The following DCBLD1 variants were observed in gnomAD, a reference collection of about 807,000 sequenced individuals.
The protein encoded by DCBLD1 is discoidin, CUB and LCCL domain-containing protein 1.
Under a neutral mutation model 71.5 loss-of-function variants are expected in DCBLD1, and 57 were observed. That is an observed-to-expected ratio of 0.80 (90% confidence interval 0.64 to 0.99). DCBLD1 has a LOEUF of 0.99. DCBLD1 is among the 50% of genes least tolerant of loss of function. DCBLD1 has a pLI of 0.00. For missense variants in DCBLD1, 891 were observed against 923.5 expected, an observed-to-expected ratio of 0.96 and a Z score of 0.46; for synonymous variants, 380 against 363.8, an observed-to-expected ratio of 1.04 and a Z score of -0.51.
In DCBLD1 at chr6:117,543,698, C is replaced by G. The variant is rs535211734; in HGVS notation, c.1445+487C>G. Among the ~76,000 whole-genome samples the G allele has an allele frequency of 2.0e-5, 3 of 152,286 alleles. No homozygotes were observed. In the South Asian group the frequency reaches 6.2e-4, roughly 32 times the overall value. ...TAAGCAGTTCTTGTCATTTAGAGAC[C>G]TTTGGTAAAGACTTAACCTTTGAGT... On this transcript the variant is annotated intron_variant, in intron 12 of 14. Coordinates refer to ENST00000338728, the MANE Select transcript of DCBLD1 (RefSeq NM_001366458.2).
intron 14 of DCBLD1, among the ~76,000 whole-genome samples, chr6:117,558,745 C>A (rs1342286182): frequency 6.6e-6 from 1 of 152,136 alleles, no homozygotes; most frequent in African/African-American, 2.4e-5. Flanking sequence ...AGGAAGCTTG[C>A]CTGACTGAAC....
chr6:117,497,163 A>G (rs1777499794), intron 1 of DCBLD1, among the ~76,000 whole-genome samples: 1 of 152,178 alleles, frequency 6.6e-6, no homozygotes, highest in Admixed American at 6.6e-5. Context: ...ACTGCACTCC[A>G]GCCTGGGCGA....
intron 3 of DCBLD1, among the ~76,000 whole-genome samples, chr6:117,521,256 T>C (rs1051657402): frequency 6.6e-6 from 1 of 152,176 alleles, no homozygotes. Flanking sequence ...AAGAGTATTG[T>C]TTTTTTCTGT....
At chr6:117,546,104 C>T (rs1263480463) in intron 14 of DCBLD1, among the ~76,000 whole-genome samples, 1 of 152,042 alleles carries the variant, frequency 6.6e-6, no homozygotes, top group African/African-American at 2.4e-5. Flanking sequence ...TGAATGAATA[C>T]ACTGTAAAAT....
At position 117,526,386 on chromosome 6, in the gene DCBLD1, A is replaced by G. The variant is rs1223219097; in HGVS notation, c.585+952A>G. Among the ~76,000 whole-genome samples the G allele has an allele frequency of 3.3e-5, 5 of 152,254 alleles. No homozygotes were observed. The East Asian group carries it at 7.7e-4, about 23-fold the overall frequency. On this transcript the variant is annotated intron_variant, in intron 5 of 14. Coordinates refer to ENST00000338728, the MANE Select transcript of DCBLD1 (RefSeq NM_001366458.2). ...GATTTACTTGGCTCAGGCAATTCTT[A>G]AATGACTACAGGGAATTAAGAGAAA...
At chr6:117,491,468 A>G (rs1251682234) in intron 1 of DCBLD1, among the ~76,000 whole-genome samples, 1 of 152,182 alleles carries the variant, frequency 6.6e-6, no homozygotes, top group African/African-American at 2.4e-5. Flanking sequence ...AAGTCTTTTG[A>G]GACTTCAAAA....
chr6:117,528,401 A>G lies in DCBLD1; in HGVS notation c.585+2967A>G, dbSNP rs189250805. On this transcript the variant is annotated intron_variant, in intron 5 of 14. Transcript: ENST00000338728. The stretch of plus-strand genomic sequence containing the variant: ...CATTTTTAAGCATGTGTTTTATTCT[A>G]CCTTACTGGTTTTGGTTCATGTTTT... Among the ~76,000 whole-genome samples the G allele has an allele frequency of 4.6e-5, 7 of 152,346 alleles. No individual in the cohort carries two copies. The East Asian group carries it at 1.2e-3, about 25-fold the overall frequency.
At chr6:117,553,109 A>G (rs1215312636), downstream of DCBLD1, among the ~76,000 whole-genome samples, 1 of 152,174 alleles carries the variant, frequency 6.6e-6, no homozygotes, top group Non-Finnish European at 1.5e-5. Flanking sequence ...GGCTGTTACA[A>G]AAGCTCGGTT....
In DCBLD1 at chr6:117,482,825, C is replaced by G; in HGVS notation, c.44C>G (p.Ala15Gly). Residue 15 changes from alanine to glycine, a missense_variant, in exon 1 of 15, where the codon GCC (alanine) becomes GGC (glycine). Coordinates refer to ENST00000338728, the MANE Select transcript of DCBLD1 (RefSeq NM_001366458.2). Reference protein sequence around the residue: ...ARGGGALARAAGRGLLALLLA... With the variant: ...ARGGGALARAGGRGLLALLLA... Reference sequence around the variant, plus strand: ...GGCGGCGGCGCACTGGCGCGGGCTGCCGGGCGGGGCCTCCTGGCTTTGCTG... The same window carrying G: ...GGCGGCGGCGCACTGGCGCGGGCTGGCGGGCGGGGCCTCCTGGCTTTGCTG... 8.6e-7 allele frequency: 1 copy of G among 1,165,994 alleles called. No individual in the cohort carries two copies. The highest frequency in any genetic ancestry group is 1.1e-6 in the Non-Finnish European group (1 of 946,702). The allele number at this position is 1,165,994 out of a possible 1,614,324, so 72.2% of individuals were successfully genotyped here. A position where few individuals can be genotyped will look rare whatever the true frequency, so the allele number is the denominator to read the frequency against.
intron 1 of DCBLD1, among the ~76,000 whole-genome samples, chr6:117,489,564 A>G (rs1263832452): frequency 6.6e-6 from 1 of 152,176 alleles, no homozygotes; most frequent in Non-Finnish European, 1.5e-5. Context: ...CCTTTTAAAA[A>G]TAGAGCTGTG....
At chr6:117,517,394 C>T (rs1778236417) in intron 2 of DCBLD1, among the ~76,000 whole-genome samples, 4 of 152,202 alleles carry the variant, frequency 2.6e-5, no homozygotes, top group Admixed American at 6.5e-5. Context: ...GTACAGCCTC[C>T]CTCCCCACTG....
chr6:117,546,057 GC>G (rs1779255458), intron 14 of DCBLD1, among the ~76,000 whole-genome samples: 1 of 152,188 alleles, frequency 6.6e-6, no homozygotes, highest in Non-Finnish European at 1.5e-5. Context: ...ATGGGGAAAT[GC>G]TTTTTGTTTC....
chr6:117,483,247 C>T (rs1212386230), intron 1 of DCBLD1, among the ~76,000 whole-genome samples: 1 of 152,202 alleles, frequency 6.6e-6, no homozygotes, highest in Non-Finnish European at 1.5e-5. Flanking sequence ...GTGACCTGAC[C>T]CCGAGGGTCG....
At chr6:117,550,121 T>C (rs1779402310), downstream of DCBLD1, among the ~76,000 whole-genome samples, 1 of 152,398 alleles carries the variant, frequency 6.6e-6, no homozygotes, top group South Asian at 2.1e-4. Flanking sequence ...TACAGAATTT[T>C]AATATTGGAA....
chr6:117,547,513 C>G lies in DCBLD1; in HGVS notation c.1616-394C>G, dbSNP rs543056382. The G allele has an allele frequency of 2.0e-4, 98 of 492,914 alleles. 1 individual carries two copies. The highest frequency in any genetic ancestry group is 1.7e-3 in the African/African-American group (89 of 51,114). 30.5% of individuals were successfully genotyped at this position (492,914 alleles called of 1,614,324 possible). ...CTCATATCCTATTAAACAAACTACT[C>G]TGTGTCCCTCATACTCTGGCCATAT... On this transcript the variant is annotated intron_variant, in intron 14 of 14. Transcript: ENST00000338728.
In DCBLD1 at chr6:117,482,781, C is replaced by A. The variant is rs1321355820; in HGVS notation, c.-1C>A. The A allele has an allele frequency of 1.8e-6, 2 of 1,140,174 alleles. No homozygotes were observed. The highest frequency in any genetic ancestry group is 2.2e-6 in the Non-Finnish European group (2 of 929,808). 70.6% of individuals were successfully genotyped at this position (1,140,174 alleles called of 1,614,324 possible). On this transcript the variant is annotated 5_prime_UTR_variant, in exon 1 of 15. Coordinates refer to ENST00000338728, the MANE Select transcript of DCBLD1 (RefSeq NM_001366458.2). ...TTGCCAAGCTGGCGCCCAGCGGGGT[C>A]ATGGTGCCCGGCGCCCGCGGCGGCG...
chr6:117,540,560 C>T (rs1019533301), intron 9 of DCBLD1, 108 bp from the exon 10 acceptor site: 85 of 1,390,054 alleles, frequency 6.1e-5, no homozygotes, highest in African/African-American at 4.6e-4. Context: ...AAAATGCAAC[C>T]GACATAGAAT....
chr6:117,534,924 TAGAA>T (rs1183974224), intron 6 of DCBLD1, among the ~76,000 whole-genome samples: 4 of 152,130 alleles, frequency 2.6e-5, no homozygotes, highest in Non-Finnish European at 5.9e-5. Flanking sequence ...GGGGAGTAGA[TAGAA>T]AGTTCAGAAT....
At chr6:117,501,753 T>G (rs1777668074) in intron 1 of DCBLD1, among the ~76,000 whole-genome samples, 1 of 152,212 alleles carries the variant, frequency 6.6e-6, no homozygotes, top group African/African-American at 2.4e-5. Flanking sequence ...CACACTATGC[T>G]TCTCTCTTGT....
Sources: allele counts gnomAD v4.1 joint callset (sites outside exome capture counted in the v4.1 genomes callset), GRCh38; gene constraint gnomAD v4.1.1; transcripts MANE v1.5; gene names NCBI Gene and HGNC (gene_info 2026-07-23, HGNC 2026-07-21).